Variants in ANGPT1 observed in about 807,000 individuals in gnomAD.
The protein encoded by ANGPT1 is angiopoietin-1.
In ANGPT1, 17 loss-of-function variants were observed where a neutral mutation model predicts 62.2. The observed-to-expected ratio is 0.27, with a 90% CI of 0.19 to 0.41. ANGPT1 has a LOEUF of 0.41. Ranked by LOEUF, ANGPT1 falls within the 10% of genes least tolerant of loss-of-function variation. ANGPT1 has a pLI of 1.00. For synonymous variants in ANGPT1, 199 were observed against 198.9 expected (o/e 1.00, Z 0.00); for missense variants, 478 against 594.9 (o/e 0.80, Z 2.04).
intron 1 of ANGPT1, among the ~76,000 whole-genome samples, chr8:107,406,953 T>C (rs931995545): frequency 6.6e-6 from 1 of 151,888 alleles, no homozygotes; most frequent in Non-Finnish European, 1.5e-5. Context: ...TCAGTTTATA[T>C]GTGATGAAAG....
intron 1 of ANGPT1, among the ~76,000 whole-genome samples, chr8:107,432,022 A>T (rs1563619998): frequency 6.6e-6 from 1 of 152,138 alleles, no homozygotes; most frequent in Non-Finnish European, 1.5e-5. Context: ...CATAAGAAAA[A>T]ATTATTGGTA....
intron 1 of ANGPT1, among the ~76,000 whole-genome samples, chr8:107,371,285 C>A (rs1180898962): frequency 6.6e-6 from 1 of 152,192 alleles, no homozygotes; most frequent in Non-Finnish European, 1.5e-5. Context: ...GATGCAATTT[C>A]TAAATCATTG....
chr8:107,451,343 G>A (rs370720775), intron 1 of ANGPT1, among the ~76,000 whole-genome samples: 1 of 108,778 alleles, frequency 9.2e-6, no homozygotes, highest in Non-Finnish European at 2.1e-5. Context: ...ACACACACGT[G>A]TACGTGCACA....
chr8:107,486,420 C>A (rs989927607), intron 1 of ANGPT1, among the ~76,000 whole-genome samples: 8 of 152,150 alleles, frequency 5.3e-5, no homozygotes, highest in African/African-American at 1.9e-4. Context: ...CACTATCTAC[C>A]TCACATTGGC....
chr8:107,303,649 C>A (rs1183090495), intron 4 of ANGPT1, among the ~76,000 whole-genome samples: 2 of 151,306 alleles, frequency 1.3e-5, no homozygotes, highest in East Asian at 3.9e-4. Flanking sequence ...TCCAAAACAT[C>A]AACTTAAGGA....
chr8:107,264,849 T>G (rs1278593648), intron 7 of ANGPT1, among the ~76,000 whole-genome samples: 1 of 152,186 alleles, frequency 6.6e-6, no homozygotes, highest in Non-Finnish European at 1.5e-5. Flanking sequence ...GACATTAATA[T>G]CCCCAATTTG....
At chr8:107,467,262 T>C (rs1190276725) in intron 1 of ANGPT1, among the ~76,000 whole-genome samples, 2 of 151,950 alleles carry the variant, frequency 1.3e-5, no homozygotes, top group African/African-American at 4.8e-5. Context: ...CATAAATAGT[T>C]GTACATAGTG....
In ANGPT1 at chr8:107,451,970, C is replaced by T. The variant is rs540010259; in HGVS notation, c.297+45292G>A. Among the ~76,000 whole-genome samples, 292 of 151,648 alleles carry T rather than the reference C, an allele frequency of 1.9e-3. 3 individuals are homozygous for T. Among genetic ancestry groups the T allele is most frequent in the African/African-American group, 6.7e-3 (278 of 41,390 alleles). On this transcript the variant is annotated intron_variant, in intron 1 of 8. Coordinates refer to ENST00000517746, the MANE Select transcript of ANGPT1 (RefSeq NM_001146.5). Reference sequence around the variant, plus strand: ...CTCTTTGTTTTCTGTTTACTTAATTCCTAAATTTTTATTTTATACTTTATA... The same window carrying T: ...CTCTTTGTTTTCTGTTTACTTAATTTCTAAATTTTTATTTTATACTTTATA...
At chr8:107,457,612 G>A (rs1399442799) in intron 1 of ANGPT1, among the ~76,000 whole-genome samples, 2 of 151,784 alleles carry the variant, frequency 1.3e-5, no homozygotes, top group African/African-American at 4.8e-5. Context: ...GAAGTTACAA[G>A]CACACGTGTC....
chr8:107,273,383 T>C (rs1033638219), intron 7 of ANGPT1, among the ~76,000 whole-genome samples: 2 of 152,026 alleles, frequency 1.3e-5, no homozygotes, highest in Admixed American at 6.6e-5. Context: ...GGTCTGCAAA[T>C]AAGCCTCCAG....
intron 1 of ANGPT1, among the ~76,000 whole-genome samples, chr8:107,431,413 A>G (rs574592809): frequency 1.3e-5 from 2 of 152,318 alleles, no homozygotes; most frequent in South Asian, 2.1e-4. Context: ...TTAGTAACTG[A>G]GGACAGATCC....
intron 3 of ANGPT1, among the ~76,000 whole-genome samples, chr8:107,330,865 C>T (rs887944167): frequency 8.6e-5 from 13 of 151,590 alleles, no homozygotes; most frequent in South Asian, 4.2e-4. Flanking sequence ...CAAGATACTA[C>T]GGTTATTATA....
intron 1 of ANGPT1, among the ~76,000 whole-genome samples, chr8:107,426,225 T>C (rs1386623951): frequency 6.6e-6 from 1 of 152,094 alleles, no homozygotes; most frequent in Non-Finnish European, 1.5e-5. Context: ...AGGTCAGGCT[T>C]CACTCACTGC....
chr8:107,456,427 A>G (rs1327476617), intron 1 of ANGPT1, among the ~76,000 whole-genome samples: 2 of 152,224 alleles, frequency 1.3e-5, no homozygotes, highest in East Asian at 3.9e-4. Flanking sequence ...AGAGAAGGTC[A>G]TAAGCGTTTT....
chr8:107,279,763 T>C (rs199885323), intron 7 of ANGPT1, among the ~76,000 whole-genome samples: 1 of 62,242 alleles, frequency 1.6e-5, no homozygotes, highest in Non-Finnish European at 3.4e-5. Flanking sequence ...ACACACACAC[T>C]CAAAGGAAGG....
At chr8:107,476,542 C>A (rs113972799) in intron 1 of ANGPT1, among the ~76,000 whole-genome samples, 1 of 151,960 alleles carries the variant, frequency 6.6e-6, no homozygotes, top group Non-Finnish European at 1.5e-5. Context: ...ACATATGTAA[C>A]AAACCTGCAC....
chr8:107,480,915 A>G (rs909159595), intron 1 of ANGPT1, among the ~76,000 whole-genome samples: 8 of 152,304 alleles, frequency 5.3e-5, no homozygotes, highest in African/African-American at 1.9e-4. Flanking sequence ...GGTCCAGTCA[A>G]AGAAAGAGTG....
intron 1 of ANGPT1, among the ~76,000 whole-genome samples, chr8:107,405,392 C>A (rs1321268891): frequency 6.6e-6 from 1 of 151,654 alleles, no homozygotes; most frequent in Admixed American, 6.6e-5. Context: ...CCTAAAAATC[C>A]CAAATCTGAA....
intron 1 of ANGPT1, among the ~76,000 whole-genome samples, chr8:107,483,529 G>A (rs909440001): frequency 6.6e-6 from 1 of 151,934 alleles, no homozygotes; most frequent in Non-Finnish European, 1.5e-5. Context: ...GCATAGACTG[G>A]AGATCAGTGA....
Sources: allele counts gnomAD v4.1 joint callset (sites outside exome capture counted in the v4.1 genomes callset), GRCh38; gene constraint gnomAD v4.1.1; transcripts MANE v1.5; gene names NCBI Gene and HGNC (gene_info 2026-07-23, HGNC 2026-07-21).